GRB10: variants seen among roughly 807,000 people sequenced by gnomAD.
The protein encoded by GRB10 is growth factor receptor bound protein 10.
GRB10 carries 20 observed loss-of-function variants against 80.9 expected under a neutral mutation model. That is an observed-to-expected ratio of 0.25 (90% CI 0.17 to 0.36). GRB10 has a LOEUF of 0.36. Ranked by LOEUF, GRB10 falls within the 10% of genes least tolerant of loss-of-function variation. The pLI is 1.00. For synonymous variants in GRB10, 291 were observed against 291.5 expected (o/e 1.00, Z 0.02); for missense variants, 548 against 747.7 (o/e 0.73, Z 3.12).
intron 3 of GRB10, among the ~76,000 whole-genome samples, chr7:50,743,104 C>T (rs1172722838): frequency 6.6e-6 from 1 of 152,204 alleles, no homozygotes; most frequent in Non-Finnish European, 1.5e-5. Flanking sequence ...CCAATTTCCG[C>T]TTTTCTTCCA....
intron 17 of GRB10, among the ~76,000 whole-genome samples, chr7:50,596,710 C>T (rs543803892): frequency 1.5e-3 from 224 of 151,570 alleles, no homozygotes; most frequent in African/African-American, 4.7e-3. Context: ...TACTCCTAAA[C>T]GGTTCAGAAG....
At chr7:50,684,027 G>A (rs141105358) in intron 5 of GRB10, among the ~76,000 whole-genome samples, 74 of 152,232 alleles carry the variant, frequency 4.9e-4, no homozygotes, top group South Asian at 2.7e-3. Context: ...GAACATGGCA[G>A]GTGGGATTTT....
intron 5 of GRB10, among the ~76,000 whole-genome samples, chr7:50,703,433 T>G (rs993280602): frequency 1.3e-5 from 2 of 152,124 alleles, no homozygotes; most frequent in African/African-American, 4.8e-5. Flanking sequence ...AGGAACAGAA[T>G]CACAGAAAGG....
At chr7:50,674,214 T>G (rs1408807489) in intron 6 of GRB10, among the ~76,000 whole-genome samples, 1 of 152,178 alleles carries the variant, frequency 6.6e-6, no homozygotes, top group East Asian at 1.9e-4. Context: ...AGGCACTCAA[T>G]AAAAGGTACT....
At chr7:50,707,324 C>T (rs996385450) in intron 4 of GRB10, among the ~76,000 whole-genome samples, 7 of 152,194 alleles carry the variant, frequency 4.6e-5, no homozygotes, top group Non-Finnish European at 8.8e-5. Context: ...CCCAAGCCTT[C>T]CTTTTGTCTG....
intron 2 of GRB10, among the ~76,000 whole-genome samples, chr7:50,759,206 A>AAG (rs1554300625): frequency 6.6e-6 from 1 of 151,674 alleles, no homozygotes; most frequent in African/African-American, 2.4e-5. Flanking sequence ...AAAAAAAAAA[A>AAG]AAAGAAAAGA....
chr7:50,721,150 T>TC (rs917384408), intron 4 of GRB10, among the ~76,000 whole-genome samples: 5 of 152,190 alleles, frequency 3.3e-5, no homozygotes, highest in South Asian at 4.1e-4. Flanking sequence ...AATACAGTAG[T>TC]CCCCCCCTTA....
At chr7:50,651,852 GAAGAA>G (rs2058037187) in intron 7 of GRB10, among the ~76,000 whole-genome samples, 1 of 152,202 alleles carries the variant, frequency 6.6e-6, no homozygotes, top group African/African-American at 2.4e-5. Flanking sequence ...CCACTCTTTT[GAAGAA>G]GGTAATCTGT....
chr7:50,732,008 A>G (rs919592723), intron 4 of GRB10, among the ~76,000 whole-genome samples: 2 of 152,252 alleles, frequency 1.3e-5, no homozygotes, highest in African/African-American at 4.8e-5. Flanking sequence ...GCAACTCTGT[A>G]CTACAACCAA....
At chr7:50,659,844 T>A (rs1251427231) in intron 7 of GRB10, among the ~76,000 whole-genome samples, 1 of 152,210 alleles carries the variant, frequency 6.6e-6, no homozygotes, top group Non-Finnish European at 1.5e-5. Context: ...GTTTCAGGGA[T>A]TCACGCGTCC....
At chr7:50,620,880 G>A (rs1270867438) in intron 8 of GRB10, among the ~76,000 whole-genome samples, 1 of 152,308 alleles carries the variant, frequency 6.6e-6, no homozygotes, top group Non-Finnish European at 1.5e-5. Context: ...AGAGAAAAAT[G>A]TCTTTCTGTA....
chr7:50,627,006 G>A (rs2053022808), intron 7 of GRB10, 28 bp from the exon 8 acceptor site: 2 of 1,611,436 alleles, frequency 1.2e-6, no homozygotes, highest in South Asian at 1.1e-5. Context: ...GATAGTTACA[G>A]ATAAACAACT....
At chr7:50,777,010 T>G (rs373068330) in intron 2 of GRB10, among the ~76,000 whole-genome samples, 33 of 144,638 alleles carry the variant, frequency 2.3e-4, no homozygotes, top group African/African-American at 8.3e-4. Context: ...TTTTAAGTAT[T>G]TGCTATAACA....
chr7:50,777,550 C>G (rs2153712081), intron 2 of GRB10, among the ~76,000 whole-genome samples: 1 of 151,650 alleles, frequency 6.6e-6, no homozygotes, highest in African/African-American at 2.4e-5. Flanking sequence ...AATTATACCT[C>G]AATACAGCTT....
chr7:50,787,308 G>A (rs948209713), upstream of GRB10, among the ~76,000 whole-genome samples: 3 of 151,618 alleles, frequency 2.0e-5, no homozygotes, highest in South Asian at 2.1e-4. Flanking sequence ...GCCAGGAATC[G>A]CAATCTATTG....
At chr7:50,659,059 G>C (rs1323807954) in intron 7 of GRB10, among the ~76,000 whole-genome samples, 1 of 152,192 alleles carries the variant, frequency 6.6e-6, no homozygotes, top group South Asian at 2.1e-4. Context: ...CCCAAAGTGC[G>C]TTCTGTGTAA....
At chr7:50,610,161 C>T (rs1427451159) in intron 13 of GRB10, among the ~76,000 whole-genome samples, 2 of 152,152 alleles carry the variant, frequency 1.3e-5, no homozygotes, top group Non-Finnish European at 1.5e-5. Flanking sequence ...ACACGGGATG[C>T]CTTGTTTTAG....
rs1446961067 is a variant in GRB10, at chr7:50,591,374, T to C, written c.*1578A>G. On this transcript the variant is annotated 3_prime_UTR_variant, in exon 19 of 19. Transcript: ENST00000401949. The stretch of plus-strand genomic sequence containing the variant: ...TTGACTGAGGAGCAGAGAAATGCTG[T>C]TCCTTAGGGAACACTTCAGTGGGGC... 2 of 152,250 alleles carry C rather than the reference T, an allele frequency of 1.3e-5. No individual in the cohort carries two copies. Among genetic ancestry groups the C allele is most frequent in the African/African-American group, 4.8e-5 (2 of 41,454 alleles). 9.4% of individuals were successfully genotyped at this position (152,250 alleles called of 1,614,324 possible). A position where few individuals can be genotyped will look rare whatever the true frequency, so the allele number is the denominator to read the frequency against.
At chr7:50,722,821 T>C (rs2067978991) in intron 4 of GRB10, among the ~76,000 whole-genome samples, 1 of 152,126 alleles carries the variant, frequency 6.6e-6, no homozygotes, top group Non-Finnish European at 1.5e-5. Flanking sequence ...CTCAATGTCC[T>C]CCTTGGGTAG....
Sources: gnomAD v4.1 joint callset for allele counts (sites outside exome capture counted in the v4.1 genomes callset) on GRCh38, gnomAD v4.1.1 for gene constraint, MANE v1.5 for transcripts, NCBI Gene and HGNC (gene_info 2026-07-23, HGNC 2026-07-21) for gene names.